Variants in COG5 observed in about 807,000 individuals in gnomAD.
The protein encoded by COG5 is component of oligomeric golgi complex 5.
Under a neutral mutation model 110.4 loss-of-function variants are expected in COG5, and 86 were observed. That is an observed-to-expected ratio of 0.78 (90% CI 0.65 to 0.93). The LOEUF is 0.93. Among genes scored for constraint, COG5 ranks in the 40% least tolerant of loss-of-function variants. COG5 has a pLI of 0.00. For missense variants in COG5, 1,077 were observed against 987.0 expected (o/e 1.09, Z -1.22); for synonymous variants, 360 against 334.6 (o/e 1.08, Z -0.83).
At chr7:107,246,246 C>T (rs1301379896) in intron 17 of COG5, among the ~76,000 whole-genome samples, 2 of 151,994 alleles carry the variant, frequency 1.3e-5, no homozygotes, top group African/African-American at 2.4e-5. Context: ...ATGCAAAACC[C>T]AAAACTATAA....
At chr7:107,254,253 A>G (rs1234595105) in intron 16 of COG5, among the ~76,000 whole-genome samples, 1 of 152,178 alleles carries the variant, frequency 6.6e-6, no homozygotes, top group African/African-American at 2.4e-5. Context: ...TCTCTATGAA[A>G]TAAAATCAAG....
chr7:107,446,274 A>C (rs1410308129), intron 6 of COG5, among the ~76,000 whole-genome samples: 3 of 152,214 alleles, frequency 2.0e-5, no homozygotes, highest in African/African-American at 7.2e-5. Flanking sequence ...TTGACACATA[A>C]AACTAATTTC....
At chr7:107,519,103 T>C (rs547635907) in intron 6 of COG5, among the ~76,000 whole-genome samples, 31 of 151,944 alleles carry the variant, frequency 2.0e-4, no homozygotes, top group Non-Finnish European at 3.7e-4. Context: ...TGAAACCAAT[T>C]AGAACAAAGA....
At chr7:107,321,696 T>C (rs1312705504) in intron 11 of COG5, among the ~76,000 whole-genome samples, 1 of 152,130 alleles carries the variant, frequency 6.6e-6, no homozygotes, top group Non-Finnish European at 1.5e-5. Flanking sequence ...GAGCCATATG[T>C]TCTAAAAGAA....
At chr7:107,400,308 T>C (rs543341400) in intron 7 of COG5, among the ~76,000 whole-genome samples, 4 of 150,630 alleles carry the variant, frequency 2.7e-5, no homozygotes, top group African/African-American at 9.9e-5. Context: ...AAGAGCACAC[T>C]GTATAACTCT....
chr7:107,284,958 GCTTT>G, intron 12 of COG5, among the ~76,000 whole-genome samples: 1 of 152,128 alleles, frequency 6.6e-6, no homozygotes, highest in East Asian at 1.9e-4. Flanking sequence ...ATGAAACTTG[GCTTT>G]CTCTTTTTCT....
At chr7:107,400,683 C>A (rs995660429) in intron 7 of COG5, among the ~76,000 whole-genome samples, 17 of 151,928 alleles carry the variant, frequency 1.1e-4, no homozygotes, top group Non-Finnish European at 8.8e-5. Context: ...GTAATAACAC[C>A]AAAATACCCT....
intron 6 of COG5, among the ~76,000 whole-genome samples, chr7:107,487,983 C>T (rs1797750232): frequency 6.6e-6 from 1 of 152,114 alleles, no homozygotes; most frequent in African/African-American, 2.4e-5. Flanking sequence ...TAATTTTCAG[C>T]AATCAACATA....
At chr7:107,446,556 A>C (rs1275910311) in intron 6 of COG5, among the ~76,000 whole-genome samples, 2 of 152,220 alleles carry the variant, frequency 1.3e-5, no homozygotes, top group East Asian at 3.9e-4. Context: ...ACATAACGAT[A>C]CATCATATTA....
intron 6 of COG5, among the ~76,000 whole-genome samples, chr7:107,465,310 C>G (rs1199374693): frequency 6.6e-6 from 1 of 152,072 alleles, no homozygotes; most frequent in Admixed American, 6.6e-5. Flanking sequence ...ATTACATATA[C>G]TAACAATAAA....
At position 107,230,629 on chromosome 7, in the gene COG5, C is replaced by T; in HGVS notation, c.2154G>A (p.Met718Ile). 6.2e-7 allele frequency: 1 copy of T among 1,612,170 alleles called. No homozygotes were observed. Among genetic ancestry groups the T allele is most frequent in the Non-Finnish European group, 8.5e-7 (1 of 1,178,258 alleles). Residue 718 changes from methionine (M) to isoleucine (I), a missense_variant, in exon 19 of 22, where the codon ATG becomes ATA. Coordinates refer to ENST00000297135, the MANE Select transcript of COG5 (RefSeq NM_006348.5). ...TTCGGTCTTACCTGAATGATCTCAG[C>T]ATCCGATAGGACTTTCCTAAATCAG... is the stretch of plus-strand genomic sequence containing the variant. ...RVSDLGKSYRMLRSFRPLLFQ... is the reference protein window; with the variant it reads ...RVSDLGKSYRILRSFRPLLFQ...
chr7:107,328,937 C>A (rs1459930217), intron 10 of COG5, among the ~76,000 whole-genome samples: 1 of 152,148 alleles, frequency 6.6e-6, no homozygotes, highest in Non-Finnish European at 1.5e-5. Flanking sequence ...TCTCCTGCCT[C>A]AGCTTCCTGA....
At chr7:107,260,472 A>G (rs1006162652) in intron 14 of COG5, among the ~76,000 whole-genome samples, 2 of 152,124 alleles carry the variant, frequency 1.3e-5, no homozygotes, top group Non-Finnish European at 1.5e-5. Flanking sequence ...AGGGTGATGA[A>G]ATGTTTTAAA....
At chr7:107,344,857 C>A (rs1308672793) in intron 10 of COG5, among the ~76,000 whole-genome samples, 1 of 152,180 alleles carries the variant, frequency 6.6e-6, no homozygotes, top group Admixed American at 6.5e-5. Context: ...CATGTATTCA[C>A]TGGAATAGCT....
Position 107,372,667 on chromosome 7 carries a change from T to C in COG5, c.763A>G (p.Thr255Ala), listed in dbSNP as rs1282159420. ...ITSVVDGYCA[T>A]LEENINSALD... The stretch of plus-strand genomic sequence containing the variant: ...GCACTGTTGATATTTTCTTCTAAAG[T>C]AGCACAATATCCATCCACAACACTG... The change falls in exon 8 of 22, where the codon ACT becomes GCT. Residue 255 changes from threonine (T) to alanine (A), a missense_variant. Thr to Ala is a moderately conservative substitution (Grantham distance 58, BLOSUM62 0). Coordinates refer to ENST00000297135, the MANE Select transcript of COG5 (RefSeq NM_006348.5). The C allele has an allele frequency of 1.2e-6, 2 of 1,613,582 alleles. No homozygotes were observed. The highest frequency in any genetic ancestry group is 1.7e-6 in the Non-Finnish European group (2 of 1,179,714).
At chr7:107,301,996 A>G (rs1389625544) in intron 11 of COG5, among the ~76,000 whole-genome samples, 1 of 152,232 alleles carries the variant, frequency 6.6e-6, no homozygotes, top group African/African-American at 2.4e-5. Flanking sequence ...AATGTTAACT[A>G]TATACCTAAC....
chr7:107,332,354 G>C (rs1343315038), intron 10 of COG5, among the ~76,000 whole-genome samples: 1 of 152,054 alleles, frequency 6.6e-6, no homozygotes, highest in African/African-American at 2.4e-5. Context: ...GAGAGGAGTG[G>C]GTGGAGATGA....
At chr7:107,380,233 C>T (rs1048897223) in intron 7 of COG5, among the ~76,000 whole-genome samples, 1 of 152,124 alleles carries the variant, frequency 6.6e-6, no homozygotes, top group South Asian at 2.1e-4. Context: ...AATCGACACC[C>T]TAACATCACA....
At chr7:107,255,526 C>T (rs1802819919) in intron 16 of COG5, among the ~76,000 whole-genome samples, 1 of 151,696 alleles carries the variant, frequency 6.6e-6, no homozygotes. Context: ...ACAGTATTCT[C>T]CTAATTTTCT....
Sources: gnomAD v4.1 joint callset for allele counts (sites outside exome capture counted in the v4.1 genomes callset) on GRCh38, gnomAD v4.1.1 for gene constraint, MANE v1.5 for transcripts, NCBI Gene and HGNC (gene_info 2026-07-23, HGNC 2026-07-21) for gene names.